GALNT17: variants seen among roughly 807,000 people sequenced by gnomAD.
GALNT17 encodes polypeptide N-acetylgalactosaminyltransferase 17.
A neutral mutation model predicts 63.7 loss-of-function variants in GALNT17; 29 were observed. The observed-to-expected ratio is 0.46, with a 90% confidence interval of 0.34 to 0.62. The LOEUF (loss-of-function observed/expected upper bound fraction) is 0.62. Ranked by LOEUF, GALNT17 falls within the 20% of genes least tolerant of loss-of-function variation. GALNT17 has a pLI of 0.01. For synonymous variants in GALNT17, 305 were observed against 318.3 expected, an observed-to-expected ratio of 0.96 and a Z score of 0.45; for missense variants, 603 against 799.6, an observed-to-expected ratio of 0.75 and a Z score of 2.97.
chr7:71,210,699 A>C (rs747868678), intron 1 of GALNT17, among the ~76,000 whole-genome samples: 11 of 152,022 alleles, frequency 7.2e-5, no homozygotes, highest in Non-Finnish European at 1.2e-4. Context: ...TTTGAATCTC[A>C]CTCCACCCCA....
intron 9 of GALNT17, among the ~76,000 whole-genome samples, chr7:71,684,627 CTCTG>C (rs1244883359): frequency 3.9e-5 from 6 of 152,182 alleles, no homozygotes; most frequent in South Asian, 2.1e-4. Flanking sequence ...CTTCCAACTA[CTCTG>C]TCTGGTAAAT....
At chr7:71,641,203 G>C (rs1044520178) in intron 6 of GALNT17, among the ~76,000 whole-genome samples, 1 of 152,150 alleles carries the variant, frequency 6.6e-6, no homozygotes, top group Admixed American at 6.5e-5. Context: ...GAAAAACAAA[G>C]TCTTCTTACA....
At chr7:71,192,012 GT>G (rs1231955463) in intron 1 of GALNT17, among the ~76,000 whole-genome samples, 1 of 152,174 alleles carries the variant, frequency 6.6e-6, no homozygotes, top group African/African-American at 2.4e-5. Context: ...GCAGCTGACA[GT>G]GTATCCTTCA....
intron 1 of GALNT17, among the ~76,000 whole-genome samples, chr7:71,178,423 A>G (rs1039390331): frequency 1.3e-5 from 2 of 151,984 alleles, no homozygotes; most frequent in South Asian, 4.2e-4. Context: ...TTGAATCTAT[A>G]TTTTTGTCTT....
rs200942281 is a variant in GALNT17 at position 71,421,950 on chromosome 7, C to CG, written c.962+846dup. ...GGGCAACAAGAGCAAAACTCTGTCT[C>CG]GAAAAAAAAAAAAAAAAGCAAGGAG... On this transcript the variant is annotated intron_variant, in intron 5 of 10. Coordinates refer to ENST00000333538, the MANE Select transcript of GALNT17 (RefSeq NM_022479.3). Among the ~76,000 whole-genome samples, 921 of 125,836 alleles carry CG rather than the reference C, an allele frequency of 7.3e-3. 14 individuals are homozygous for CG. Among genetic ancestry groups the CG allele is most frequent in the African/African-American group, 0.026 (846 of 33,072 alleles). 82.6% of individuals were successfully genotyped at this position (125,836 alleles called of 152,430 possible).
chr7:71,302,736 T>G (rs1221390638), intron 1 of GALNT17, among the ~76,000 whole-genome samples: 1 of 152,214 alleles, frequency 6.6e-6, no homozygotes, highest in Non-Finnish European at 1.5e-5. Flanking sequence ...AAAAATGGAC[T>G]AAATTGAGAG....
At chr7:71,427,527 C>A (rs1380777757) in intron 5 of GALNT17, among the ~76,000 whole-genome samples, 2 of 152,076 alleles carry the variant, frequency 1.3e-5, no homozygotes, top group Non-Finnish European at 2.9e-5. Flanking sequence ...TGACCCCATG[C>A]AGGCAGTGAC....
At chr7:71,499,278 G>T (rs1273147033) in intron 5 of GALNT17, among the ~76,000 whole-genome samples, 3 of 152,164 alleles carry the variant, frequency 2.0e-5, no homozygotes, top group African/African-American at 7.2e-5. Flanking sequence ...CTGGTATTTT[G>T]CATGAACCAA....
chr7:71,548,077 A>AT (rs1278244290), intron 5 of GALNT17, among the ~76,000 whole-genome samples: 5 of 150,978 alleles, frequency 3.3e-5, no homozygotes, highest in African/African-American at 7.3e-5. Context: ...AAAATAAAAA[A>AT]TTTTTTTTTT....
intron 5 of GALNT17, among the ~76,000 whole-genome samples, chr7:71,483,540 G>A (rs1256848802): frequency 6.6e-6 from 1 of 151,556 alleles, no homozygotes; most frequent in Non-Finnish European, 1.5e-5. Context: ...GGTAGACTTT[G>A]TAAACACTGT....
chr7:71,677,860 C>T (rs1458885170), intron 9 of GALNT17, among the ~76,000 whole-genome samples: 2 of 152,028 alleles, frequency 1.3e-5, no homozygotes, highest in Non-Finnish European at 2.9e-5. Flanking sequence ...TGCATTCCCC[C>T]GAGGTCAGCT....
chr7:71,291,469 T>TGA (rs1790978774), intron 1 of GALNT17, among the ~76,000 whole-genome samples: 1 of 151,648 alleles, frequency 6.6e-6, no homozygotes. Context: ...GTGAAAACTG[T>TGA]CTAACAATAT....
At chr7:71,658,178 A>G (rs1475636194) in intron 6 of GALNT17, among the ~76,000 whole-genome samples, 1 of 152,160 alleles carries the variant, frequency 6.6e-6, no homozygotes, top group Non-Finnish European at 1.5e-5. Flanking sequence ...AATTGCTGGG[A>G]TTCCAGTCAT....
chr7:71,598,548 T>C (rs1789920863), intron 6 of GALNT17, among the ~76,000 whole-genome samples: 1 of 152,252 alleles, frequency 6.6e-6, no homozygotes, highest in South Asian at 2.1e-4. Flanking sequence ...GATGTCTTTT[T>C]ATTCTTTTTT....
chr7:71,449,340 A>G (rs561823915), intron 5 of GALNT17, among the ~76,000 whole-genome samples: 19 of 151,994 alleles, frequency 1.3e-4, no homozygotes, highest in Admixed American at 3.9e-4. Flanking sequence ...CTGACATCAA[A>G]TGATCCACCC....
intron 1 of GALNT17, among the ~76,000 whole-genome samples, chr7:71,168,436 G>T (rs565045927): frequency 3.9e-5 from 6 of 152,192 alleles, no homozygotes; most frequent in African/African-American, 1.4e-4. Context: ...GCTGGGTGTG[G>T]TGGCGGGCGG....
intron 1 of GALNT17, among the ~76,000 whole-genome samples, chr7:71,309,584 T>TA (rs1791376318): frequency 6.6e-6 from 1 of 152,294 alleles, no homozygotes; most frequent in African/African-American, 2.4e-5. Context: ...TCCTTTTATT[T>TA]ACATTTGCTT....
intron 9 of GALNT17, among the ~76,000 whole-genome samples, chr7:71,700,730 TCTC>T (rs1791619244): frequency 5.9e-5 from 9 of 152,220 alleles, no homozygotes. Context: ...TTCAATGCCT[TCTC>T]CTCTGGGAAT....
chr7:71,445,572 C>G (rs1787147518), intron 5 of GALNT17, among the ~76,000 whole-genome samples: 1 of 152,068 alleles, frequency 6.6e-6, no homozygotes. Context: ...CTGTCAGGAG[C>G]TGGTTCCAGA....
Sources: allele counts gnomAD v4.1 joint callset (sites outside exome capture counted in the v4.1 genomes callset), GRCh38; gene constraint gnomAD v4.1.1; transcripts MANE v1.5; gene names NCBI Gene and HGNC (gene_info 2026-07-23, HGNC 2026-07-21).